The following TIAM2 variants were observed in gnomAD, a reference collection of about 807,000 sequenced individuals.
The protein encoded by TIAM2 is rho guanine nucleotide exchange factor TIAM2.
A neutral mutation model predicts 152.9 loss-of-function variants in TIAM2; 80 were observed. That is an observed-to-expected ratio of 0.52 (90% CI 0.44 to 0.63). The LOEUF is 0.63. Among genes scored for constraint, TIAM2 ranks in the 30% least tolerant of loss-of-function variants. The pLI is 0.00. For synonymous variants in TIAM2, 804 were observed against 838.0 expected (o/e 0.96, Z 0.70); for missense variants, 1,965 against 2,120.1 (o/e 0.93, Z 1.44).
In TIAM2 at chr6:155,234,993, GCA is replaced by G. The variant is rs1194909726; in HGVS notation, c.3169-5534_3169-5533del. Reference sequence around the variant, plus strand: ...AGAGGGGAACAGAGCTAGAGACGGAGCACAGCTAGAGATGGAGCACAGCTAGA... The same window carrying G: ...AGAGGGGAACAGAGCTAGAGACGGAGCAGCTAGAGATGGAGCACAGCTAGA... On this transcript the variant is annotated intron_variant, in intron 15 of 26. Transcript: ENST00000682666. 1.9e-3 allele frequency among the ~76,000 whole-genome samples: 228 copies of G among 118,294 alleles called. 1 individual carries two copies. Among genetic ancestry groups the G allele is most frequent in the Non-Finnish European group, 2.6e-3 (119 of 46,258 alleles). 77.6% of individuals were successfully genotyped at this position (118,294 alleles called of 152,430 possible). A position where few individuals can be genotyped will look rare whatever the true frequency, so the allele number is the denominator to read the frequency against.
At chr6:155,190,095 A>G (rs548573270) in intron 14 of TIAM2, among the ~76,000 whole-genome samples, 48 of 152,216 alleles carry the variant, frequency 3.2e-4, no homozygotes, top group Non-Finnish European at 5.6e-4. Flanking sequence ...CTGAAAAACC[A>G]ACTAGCTAAT....
At chr6:155,026,341 G>A (rs1776601844) in intron 1 of TIAM2, among the ~76,000 whole-genome samples, 1 of 152,154 alleles carries the variant, frequency 6.6e-6, no homozygotes. Flanking sequence ...CTTTCTGAAT[G>A]CTTCCCCCAG....
chr6:155,166,666 T>C (rs77051840), intron 9 of TIAM2, among the ~76,000 whole-genome samples: 4,501 of 152,348 alleles, frequency 0.03, 217 homozygotes, highest in African/African-American at 0.1. Context: ...GCACATGTTA[T>C]GTGAAATGTG....
intron 2 of TIAM2, among the ~76,000 whole-genome samples, chr6:155,098,058 C>T (rs935396623): frequency 6.6e-6 from 1 of 152,084 alleles, no homozygotes; most frequent in Non-Finnish European, 1.5e-5. Context: ...GTACCATGCT[C>T]ATTTGGTTGT....
intron 1 of TIAM2, among the ~76,000 whole-genome samples, chr6:155,050,237 G>T (rs1222107144): frequency 6.6e-6 from 1 of 152,064 alleles, no homozygotes; most frequent in African/African-American, 2.4e-5. Flanking sequence ...TCACCATGTT[G>T]GCCAGGCTGG....
chr6:155,250,041 G>A (rs1401113243), intron 21 of TIAM2, 72 bp downstream of exon 21: 19 of 1,183,148 alleles, frequency 1.6e-5, no homozygotes, highest in Admixed American at 2.3e-5. Context: ...TTCTAGATAG[G>A]CTGCCCTGTT....
intron 1 of TIAM2, among the ~76,000 whole-genome samples, chr6:155,034,296 G>A (rs1776881426): frequency 6.6e-6 from 1 of 152,016 alleles, no homozygotes; most frequent in Non-Finnish European, 1.5e-5. Context: ...CATTGCCCAG[G>A]CTGGAGTGCA....
rs904794859 is a variant in TIAM2 at position 155,186,457 on chromosome 6, G to A, written c.3064+2957G>A. Among the ~76,000 whole-genome samples, 1 of 152,064 alleles carries A rather than the reference G, an allele frequency of 6.6e-6. No individual in the cohort carries two copies. The highest frequency in any genetic ancestry group is 2.4e-5 in the African/African-American group (1 of 41,386). On this transcript the variant is annotated intron_variant, in intron 14 of 26. Transcript: ENST00000682666. The surrounding 1 kb of genome is among the most constrained non-coding windows in gnomAD (Gnocchi z 4.5). Reference sequence around the variant, plus strand: ...TACCCCTTCCTTTGGGAATCTCGGGGTCACCTTCCAAATAAACTTCTGTAC... The same window carrying A: ...TACCCCTTCCTTTGGGAATCTCGGGATCACCTTCCAAATAAACTTCTGTAC...
chr6:155,081,535 A>T (rs1778062064), intron 1 of TIAM2, among the ~76,000 whole-genome samples: 1 of 152,156 alleles, frequency 6.6e-6, no homozygotes. Context: ...GCCCTGAGAT[A>T]AAGCTAGGAG....
chr6:155,002,779 C>T (rs1262554742), intron 1 of TIAM2, among the ~76,000 whole-genome samples: 3 of 151,776 alleles, frequency 2.0e-5, no homozygotes, highest in Admixed American at 6.6e-5. Flanking sequence ...CTCCAGGGTT[C>T]GAGCAGTTCT....
intron 14 of TIAM2, among the ~76,000 whole-genome samples, chr6:155,187,573 C>CCTTTTTTTTTT (rs1189509294): frequency 3.2e-4 from 16 of 49,622 alleles, no homozygotes; most frequent in Non-Finnish European, 4.1e-4. Context: ...ACCCCGCCCC[C>CCTTTTTTTTTT]TTTTTTTTTT....
At chr6:155,145,556 G>C (rs1056904323) in intron 6 of TIAM2, among the ~76,000 whole-genome samples, 1 of 152,164 alleles carries the variant, frequency 6.6e-6, no homozygotes, top group African/African-American at 2.4e-5. Flanking sequence ...TATTAATTCA[G>C]AACAGGTGAG....
intron 1 of TIAM2, among the ~76,000 whole-genome samples, chr6:155,025,740 C>G (rs1471784469): frequency 6.6e-6 from 1 of 151,568 alleles, no homozygotes; most frequent in Non-Finnish European, 1.5e-5. Flanking sequence ...GGGTAGTACC[C>G]GCCAATTTTA....
intron 2 of TIAM2, among the ~76,000 whole-genome samples, chr6:155,092,498 G>A (rs1289059052): frequency 1.3e-5 from 2 of 152,140 alleles, no homozygotes; most frequent in Non-Finnish European, 2.9e-5. Context: ...TGTGAGTATA[G>A]GGGTTATATA....
At position 155,029,153 on chromosome 6, in the gene TIAM2, C is replaced by G. The variant is rs188764077; in HGVS notation, c.-209+33661C>G. 9.5e-3 allele frequency among the ~76,000 whole-genome samples: 1,070 copies of G among 112,424 alleles called. 226 individuals carry two copies. The highest frequency in any genetic ancestry group is 0.015 in the Non-Finnish European group (828 of 55,038). The allele number at this position is 112,424 out of a possible 152,430, so 73.8% of individuals were successfully genotyped here. A position where few individuals can be genotyped will look rare whatever the true frequency, so the allele number is the denominator to read the frequency against. On this transcript the variant is annotated intron_variant, in intron 1 of 26. Coordinates refer to ENST00000682666, the MANE Select transcript of TIAM2 (RefSeq NM_012454.4). ...CTATGTGTTATATACACTATATGTA[C>G]TATGTGTTATATACACTATATGTAC...
intron 14 of TIAM2, among the ~76,000 whole-genome samples, chr6:155,187,765 A>G (rs1781085696): frequency 6.6e-6 from 1 of 151,380 alleles, no homozygotes; most frequent in Admixed American, 6.6e-5. Context: ...TTTAGTAGAG[A>G]CAAGGTTTCT....
intron 2 of TIAM2, among the ~76,000 whole-genome samples, chr6:155,091,306 C>T (rs1479161639): frequency 6.6e-6 from 1 of 152,182 alleles, no homozygotes; most frequent in Non-Finnish European, 1.5e-5. Context: ...TCTGTCTCCG[C>T]CTTCCTTAGA....
At chr6:155,034,385 G>T (rs4870343) in intron 1 of TIAM2, among the ~76,000 whole-genome samples, 119,793 of 151,792 alleles carry the variant, frequency 0.79, 48,789 homozygotes, top group Middle Eastern at 0.92. Flanking sequence ...CAAGTAGCTG[G>T]GATTGATTAT....
intron 24 of TIAM2, chr6:155,253,705 T>TC: frequency 2.8e-6 from 1 of 352,654 alleles, no homozygotes; most frequent in Non-Finnish European, 5.1e-6. Flanking sequence ...CCACTGAATC[T>TC]CCTCTTCCCC....
Sources: gnomAD v4.1 joint callset for allele counts (sites outside exome capture counted in the v4.1 genomes callset) on GRCh38, gnomAD v4.1.1 for gene constraint, Gnocchi (gnomAD v3.1) non-coding constraint, MANE v1.5 for transcripts, NCBI Gene and HGNC (gene_info 2026-07-23, HGNC 2026-07-21) for gene names.